Variants in FRAS1 observed in about 807,000 individuals in gnomAD.
FRAS1 encodes the protein Fraser extracellular matrix complex subunit 1.
Under a neutral mutation model 435.2 loss-of-function variants are expected in FRAS1, and 290 were observed. That is an observed-to-expected ratio of 0.67 (90% CI 0.61 to 0.73). FRAS1 has a LOEUF of 0.73. FRAS1 is among the 30% of genes least tolerant of loss of function. The pLI is 0.00. For synonymous variants in FRAS1, 1,800 were observed against 1,851.0 expected, an observed-to-expected ratio of 0.97 and a Z score of 0.71; for missense variants, 4,860 against 5,001.5, an observed-to-expected ratio of 0.97 and a Z score of 0.85.
At chr4:78,391,898 A>G (rs921060382) in intron 29 of FRAS1, among the ~76,000 whole-genome samples, 4 of 152,220 alleles carry the variant, frequency 2.6e-5, no homozygotes, top group African/African-American at 9.6e-5. Flanking sequence ...GAGAGTTACA[A>G]ATATCAATGG....
chr4:78,176,014 C>T (rs1162351211), intron 2 of FRAS1, among the ~76,000 whole-genome samples: 1 of 152,178 alleles, frequency 6.6e-6, no homozygotes, highest in Non-Finnish European at 1.5e-5. Context: ...ATCTCAGTTG[C>T]TCAGACATTA....
At chr4:78,275,283 GT>G (rs1246178673) in intron 9 of FRAS1, among the ~76,000 whole-genome samples, 1 of 152,138 alleles carries the variant, frequency 6.6e-6, no homozygotes, top group Non-Finnish European at 1.5e-5. Context: ...GCCAGTCTGT[GT>G]TTTTTAATTG....
Position 78,452,167 on chromosome 4 carries a change from A to G in FRAS1, c.6584-8A>G. Reference sequence around the variant, plus strand: ...CCCATTTCAAATCACTATTTCTGATATTTTCAGAAGACAAATCCCCACCAG... The same window carrying G: ...CCCATTTCAAATCACTATTTCTGATGTTTTCAGAAGACAAATCCCCACCAG... On this transcript the variant is annotated splice_polypyrimidine_tract_variant and splice_region_variant and intron_variant, in intron 46 of 73. Coordinates refer to ENST00000512123, the MANE Select transcript of FRAS1 (RefSeq NM_025074.7). The G allele has an allele frequency of 6.2e-7, 1 of 1,612,860 alleles. No homozygotes were observed. The highest frequency in any genetic ancestry group is 1.1e-5 in the South Asian group (1 of 91,028).
intron 2 of FRAS1, among the ~76,000 whole-genome samples, chr4:78,235,730 C>T (rs1022324182): frequency 9.9e-5 from 15 of 152,238 alleles, no homozygotes; most frequent in African/African-American, 3.6e-4. Flanking sequence ...AGGCAGATTG[C>T]TTAAGCCTAG....
chr4:78,222,458 G>A (rs1724096754), intron 2 of FRAS1, among the ~76,000 whole-genome samples: 1 of 152,182 alleles, frequency 6.6e-6, no homozygotes, highest in South Asian at 2.1e-4. Context: ...CTCCGTAAAT[G>A]TTGACTGCAG....
intron 33 of FRAS1, among the ~76,000 whole-genome samples, chr4:78,420,588 A>AACATTAGTTCTATACCTGAAAAAT (rs1484371530): frequency 2.0e-5 from 3 of 151,984 alleles, no homozygotes; most frequent in African/African-American, 2.4e-5. Flanking sequence ...AGTTCTTAGA[A>AACATTAGTTCTATACCTGAAAAAT]TAATCAAGAC....
At chr4:78,287,790 G>A (rs909362139) in intron 14 of FRAS1, among the ~76,000 whole-genome samples, 3 of 152,180 alleles carry the variant, frequency 2.0e-5, no homozygotes, top group Admixed American at 6.5e-5. Flanking sequence ...GGTCAGAAGC[G>A]GAGCTCATGG....
chr4:78,368,738 A>G (rs1393637322), intron 22 of FRAS1, among the ~76,000 whole-genome samples: 3 of 152,234 alleles, frequency 2.0e-5, no homozygotes, highest in Non-Finnish European at 4.4e-5. Context: ...TTTAGAATAG[A>G]AAGTTAACAA....
chr4:78,346,927 C>G (rs974913709), intron 20 of FRAS1, among the ~76,000 whole-genome samples: 1 of 152,096 alleles, frequency 6.6e-6, no homozygotes, highest in Non-Finnish European at 1.5e-5. Context: ...TCCTCTTCCT[C>G]TCCCATCTTC....
At chr4:78,316,233 A>C (rs573739479) in intron 16 of FRAS1, among the ~76,000 whole-genome samples, 1 of 152,228 alleles carries the variant, frequency 6.6e-6, no homozygotes, top group Non-Finnish European at 1.5e-5. Flanking sequence ...AGCCTAAACT[A>C]TGAAACATAC....
At chr4:78,181,532 C>T in intron 2 of FRAS1, 2 of 1,611,606 alleles carry the variant, frequency 1.2e-6, no homozygotes, top group Non-Finnish European at 1.7e-6. Context: ...ACGGCCCCCT[C>T]GACCTCTTCC....
At chr4:78,259,825 G>T (rs1725987583) in intron 6 of FRAS1, among the ~76,000 whole-genome samples, 1 of 151,196 alleles carries the variant, frequency 6.6e-6, no homozygotes, top group Non-Finnish European at 1.5e-5. Context: ...TTCTTCTAGG[G>T]TTTTTATGGT....
At position 78,466,429 on chromosome 4, in the gene FRAS1, A is replaced by G; in HGVS notation, c.7251A>G (p.Gly2417=). The G allele has an allele frequency of 1.9e-6, 3 of 1,611,268 alleles. No homozygotes were observed. The highest frequency in any genetic ancestry group is 2.2e-5 in the South Asian group (2 of 90,728). ...CCTTCTTTATCATTGAGGAAGGGGG[A>G]AAAGAGGTGAGGGGTGAGGACACTG... ...TNPFFIIEEG[G]KEIMTAAPQP... Residue 2417 remains glycine, a synonymous_variant, in exon 50 of 74, where the codon GGA becomes GGG. Coordinates refer to ENST00000512123, the MANE Select transcript of FRAS1 (RefSeq NM_025074.7).
In FRAS1 at chr4:78,315,745, G is replaced by A; in HGVS notation, c.1819+11G>A. 1 of 1,613,698 alleles carries A rather than the reference G, an allele frequency of 6.2e-7. No homozygotes were observed. Among genetic ancestry groups the A allele is most frequent in the South Asian group, 1.1e-5 (1 of 91,024 alleles). ...CTGGCAGGTGCAAAGGTAAGAGATG[G>A]GTCACCATCATCATCATCAAAAAGT... On this transcript the variant is annotated intron_variant, in intron 16 of 73. Transcript: ENST00000512123.
At chr4:78,187,871 A>C (rs1053314989) in intron 2 of FRAS1, among the ~76,000 whole-genome samples, 11 of 152,234 alleles carry the variant, frequency 7.2e-5, no homozygotes, top group Non-Finnish European at 1.3e-4. Context: ...CCAAAGTGCT[A>C]GGATTGCAGG....
intron 2 of FRAS1, among the ~76,000 whole-genome samples, chr4:78,077,893 A>G (rs1740725288): frequency 6.7e-6 from 1 of 149,764 alleles, no homozygotes; most frequent in Admixed American, 6.7e-5. Flanking sequence ...TGAAAGCAAT[A>G]CAGCCTTGTT....
chr4:78,066,823 T>C (rs567574215), intron 2 of FRAS1, among the ~76,000 whole-genome samples: 7 of 152,228 alleles, frequency 4.6e-5, no homozygotes, highest in Non-Finnish European at 7.4e-5. Flanking sequence ...ATTATCCTTG[T>C]GGTATTGAAA....
intron 39 of FRAS1, 90 bp from the exon 40 acceptor site, chr4:78,438,812 G>A: frequency 6.7e-7 from 1 of 1,487,176 alleles, no homozygotes. Context: ...AGAATATATT[G>A]GTTTGGCCCC....
chr4:78,071,024 A>G (rs192489951), intron 2 of FRAS1: 12 of 152,362 alleles, frequency 7.9e-5, no homozygotes, highest in Admixed American at 5.9e-4. Context: ...TCTTCCCTGG[A>G]TCAAAAGTGT....
Sources: gnomAD v4.1 joint callset for allele counts (sites outside exome capture counted in the v4.1 genomes callset) on GRCh38, gnomAD v4.1.1 for gene constraint, MANE v1.5 for transcripts, NCBI Gene and HGNC (gene_info 2026-07-23, HGNC 2026-07-21) for gene names.